Variants in SEMA3A observed in about 807,000 individuals in gnomAD.
The protein encoded by SEMA3A is semaphorin-3A.
In SEMA3A, 29 loss-of-function variants were observed where a neutral mutation model predicts 97.9. That is an observed-to-expected ratio of 0.30 (90% CI 0.22 to 0.40). The LOEUF (loss-of-function observed/expected upper bound fraction) is 0.40, where lower values mean the gene tolerates loss of function less well. Ranked by LOEUF, SEMA3A falls within the 10% of genes least tolerant of loss-of-function variation. The pLI is 1.00. For missense variants in SEMA3A, 763 were observed against 951.3 expected (o/e 0.80, Z 2.60); for synonymous variants, 321 against 323.7 (o/e 0.99, Z 0.09).
At chr7:84,368,482 G>T (rs2116091881) in intron 2 of SEMA3A, among the ~76,000 whole-genome samples, 1 of 150,898 alleles carries the variant, frequency 6.6e-6, no homozygotes, top group African/African-American at 2.4e-5. Context: ...TATATCAGTA[G>T]GTCAGAATTT....
intron 5 of SEMA3A, among the ~76,000 whole-genome samples, chr7:84,056,642 C>T (rs1334311183): frequency 6.6e-6 from 1 of 151,784 alleles, no homozygotes; most frequent in African/African-American, 2.4e-5. Flanking sequence ...CACACACATA[C>T]ACACAGAGCA....
chr7:84,259,178 A>C (rs1012922853), intron 3 of SEMA3A, among the ~76,000 whole-genome samples: 5 of 152,236 alleles, frequency 3.3e-5, no homozygotes, highest in Admixed American at 3.3e-4. Flanking sequence ...AATCAATAAT[A>C]ATTTCCAGCA....
intron 2 of SEMA3A, among the ~76,000 whole-genome samples, chr7:84,331,701 T>A (rs1801913143): frequency 6.6e-6 from 1 of 151,968 alleles, no homozygotes; most frequent in South Asian, 2.1e-4. Context: ...CTGCTGCTGC[T>A]GTTTGGGAAA....
At chr7:84,451,836 C>T (rs1162385016) in intron 1 of SEMA3A, among the ~76,000 whole-genome samples, 1 of 152,136 alleles carries the variant, frequency 6.6e-6, no homozygotes, top group Non-Finnish European at 1.5e-5. Context: ...CTAAATTCCC[C>T]TCTTCTAAGT....
chr7:84,304,518 A>T (rs892426749), intron 3 of SEMA3A, among the ~76,000 whole-genome samples: 1 of 152,106 alleles, frequency 6.6e-6, no homozygotes, highest in African/African-American at 2.4e-5. Context: ...TACTTTCAAA[A>T]CTAACCACAG....
At chr7:84,076,467 T>C (rs1275806465) in intron 4 of SEMA3A, among the ~76,000 whole-genome samples, 1 of 152,152 alleles carries the variant, frequency 6.6e-6, no homozygotes, top group Non-Finnish European at 1.5e-5. Flanking sequence ...TTTTTTGTAC[T>C]TGATTTACTC....
At chr7:84,005,264 G>A (rs968954892) in intron 11 of SEMA3A, 75 bp downstream of exon 11, 2 of 1,086,150 alleles carry the variant, frequency 1.8e-6, no homozygotes, top group African/African-American at 3.1e-5. Flanking sequence ...CAACCCCTGA[G>A]ATGTTCAAAG....
chr7:84,056,188 C>T (rs573052552), intron 5 of SEMA3A, among the ~76,000 whole-genome samples: 3 of 150,062 alleles, frequency 2.0e-5, no homozygotes, highest in Non-Finnish European at 4.5e-5. Flanking sequence ...TTTCTTAACT[C>T]TCTCACAGGA....
At chr7:84,233,392 A>G (rs145351050) in intron 3 of SEMA3A, among the ~76,000 whole-genome samples, 2 of 152,124 alleles carry the variant, frequency 1.3e-5, no homozygotes, top group Admixed American at 6.6e-5. Flanking sequence ...AAAAAGAAGC[A>G]AGGTAAATAG....
At chr7:84,424,527 ATATAATATATAAATATTAATATATATT>A (rs1804702224) in intron 1 of SEMA3A, among the ~76,000 whole-genome samples, 48 of 90,798 alleles carry the variant, frequency 5.3e-4, no homozygotes, top group African/African-American at 1.4e-3. Context: ...TATATGTTAT[ATATAATATATAAATATTAATATATATT>A]ATATATAATA....
intron 4 of SEMA3A, among the ~76,000 whole-genome samples, chr7:84,082,244 GAGAAC>G (rs1450136156): frequency 2.0e-5 from 3 of 152,130 alleles, no homozygotes; most frequent in African/African-American, 4.8e-5. Context: ...GATTTTGAAA[GAGAAC>G]ATATTACATG....
intron 2 of SEMA3A, among the ~76,000 whole-genome samples, chr7:84,335,426 T>C (rs1265872703): frequency 6.6e-6 from 1 of 152,170 alleles, no homozygotes. Context: ...TGGAAGATAA[T>C]AATTTATTAG....
intron 3 of SEMA3A, among the ~76,000 whole-genome samples, chr7:84,127,755 T>G (rs776037502): frequency 1.3e-5 from 2 of 152,130 alleles, no homozygotes; most frequent in African/African-American, 4.8e-5. Context: ...TCTAAACATA[T>G]ACATCATTGT....
At chr7:84,063,629 C>T (rs1002426850) in intron 4 of SEMA3A, among the ~76,000 whole-genome samples, 8 of 149,712 alleles carry the variant, frequency 5.3e-5, no homozygotes, top group Admixed American at 1.3e-4. Context: ...AATGCAGAAG[C>T]CTCAGGAGAC....
At chr7:84,428,429 T>C (rs1804883255) in intron 1 of SEMA3A, among the ~76,000 whole-genome samples, 1 of 152,096 alleles carries the variant, frequency 6.6e-6, no homozygotes, top group Non-Finnish European at 1.5e-5. Context: ...TATTTGTACA[T>C]GATTTCAAAC....
At chr7:84,476,911 A>G (rs1032781758) in intron 1 of SEMA3A, among the ~76,000 whole-genome samples, 1 of 151,718 alleles carries the variant, frequency 6.6e-6, no homozygotes, top group Non-Finnish European at 1.5e-5. Flanking sequence ...GAAAAAAATA[A>G]TAAGATAACA....
intron 3 of SEMA3A, among the ~76,000 whole-genome samples, chr7:84,304,338 T>C (rs1257226904): frequency 1.3e-5 from 2 of 152,060 alleles, no homozygotes; most frequent in Non-Finnish European, 2.9e-5. Context: ...TACTCAATAA[T>C]ACAATTTTTG....
intron 11 of SEMA3A, among the ~76,000 whole-genome samples, chr7:84,004,427 A>T (rs1000447617): frequency 3.3e-5 from 5 of 151,866 alleles, no homozygotes; most frequent in East Asian, 1.9e-4. Context: ...TTTCTAATGA[A>T]TTTTTTTTCT....
intron 6 of SEMA3A, among the ~76,000 whole-genome samples, chr7:84,044,603 T>A (rs1465410547): frequency 6.6e-6 from 1 of 152,000 alleles, no homozygotes; most frequent in Non-Finnish European, 1.5e-5. Flanking sequence ...AAGTAGAGAT[T>A]AATAAAAAGT....
Sources: allele counts gnomAD v4.1 joint callset (sites outside exome capture counted in the v4.1 genomes callset), GRCh38; gene constraint gnomAD v4.1.1; transcripts MANE v1.5; gene names NCBI Gene and HGNC (gene_info 2026-07-23, HGNC 2026-07-21).